The following PRKCA variants were observed in gnomAD, a reference collection of about 807,000 sequenced individuals.
PRKCA encodes the protein protein kinase C alpha, also known as protein kinase C alpha type.
In PRKCA, 27 loss-of-function variants were observed where a neutral mutation model predicts 87.0. The observed-to-expected ratio is 0.31, with a 90% CI of 0.23 to 0.43. The LOEUF (loss-of-function observed/expected upper bound fraction) is 0.43, where lower values mean the gene tolerates loss of function less well. Among genes scored for constraint, PRKCA ranks in the 20% least tolerant of loss-of-function variants. The probability of loss-of-function intolerance (pLI) is 1.00; values close to 1 mark genes in which losing one functional copy is unlikely to be tolerated. For synonymous variants in PRKCA, 329 were observed against 311.1 expected (o/e 1.06, Z -0.61); for missense variants, 518 against 852.3 (o/e 0.61, Z 4.88).
At chr17:66,588,805 T>C (rs2143523347) in intron 3 of PRKCA, among the ~76,000 whole-genome samples, 1 of 152,126 alleles carries the variant, frequency 6.6e-6, no homozygotes, top group Middle Eastern at 3.4e-3. Flanking sequence ...CATGCTCGGC[T>C]GATTTTTTGC....
intron 2 of PRKCA, among the ~76,000 whole-genome samples, chr17:66,396,516 C>T (rs1353300644): frequency 7.9e-5 from 12 of 151,606 alleles, no homozygotes; most frequent in African/African-American, 2.9e-4. Flanking sequence ...TAGTTTTATG[C>T]TGCTTTTTAC....
At chr17:66,441,601 G>A (rs939246125) in intron 2 of PRKCA, among the ~76,000 whole-genome samples, 1 of 152,118 alleles carries the variant, frequency 6.6e-6, no homozygotes, top group Non-Finnish European at 1.5e-5. Flanking sequence ...TGGTTTCTGG[G>A]CACACTGGGG....
chr17:66,698,371 CAA>C (rs1245071510), intron 8 of PRKCA, among the ~76,000 whole-genome samples: 4 of 152,078 alleles, frequency 2.6e-5, no homozygotes, highest in Non-Finnish European at 5.9e-5. Flanking sequence ...ATCAGAAAAA[CAA>C]GAGCTCAATA....
chr17:66,580,502 G>A (rs1428889078), intron 3 of PRKCA, among the ~76,000 whole-genome samples: 1 of 152,198 alleles, frequency 6.6e-6, no homozygotes, highest in Non-Finnish European at 1.5e-5. Flanking sequence ...GAGACACTGA[G>A]CCATGTTTGG....
chr17:66,537,260 T>G (rs1008693192), intron 3 of PRKCA, among the ~76,000 whole-genome samples: 41 of 152,142 alleles, frequency 2.7e-4, no homozygotes, highest in African/African-American at 9.9e-4. Context: ...TTACCATAAT[T>G]TATGGTGAGA....
chr17:66,485,932 G>A (rs1915971076), intron 2 of PRKCA, among the ~76,000 whole-genome samples: 3 of 152,186 alleles, frequency 2.0e-5, no homozygotes, highest in Admixed American at 1.3e-4. Context: ...ATAAACCCTT[G>A]TATAGAACGT....
At chr17:66,650,725 C>T (rs773717471) in intron 5 of PRKCA, among the ~76,000 whole-genome samples, 59 of 152,102 alleles carry the variant, frequency 3.9e-4, no homozygotes, top group Non-Finnish European at 6.0e-4. Flanking sequence ...GTCTGTCACC[C>T]CTGCAGATAT....
At chr17:66,760,089 C>A (rs892118286) in intron 13 of PRKCA, among the ~76,000 whole-genome samples, 5 of 152,210 alleles carry the variant, frequency 3.3e-5, no homozygotes, top group African/African-American at 1.2e-4. Context: ...CTTCATCCAA[C>A]AACAGCAGAA....
chr17:66,324,828 A>C lies in PRKCA; in HGVS notation c.205+18701A>C, dbSNP rs143950408. Among the ~76,000 whole-genome samples, 25 of 152,308 alleles carry C rather than the reference A, an allele frequency of 1.6e-4. No homozygotes were observed. In the South Asian group the frequency reaches 5.0e-3, roughly 30 times the overall value. ...GATACTATGGCAGATAACACTCATT[A>C]GTCACGGTCTTCATTCAGCTTCAGA... On this transcript the variant is annotated intron_variant, in intron 2 of 16. Transcript: ENST00000413366.
chr17:66,587,761 ATATATACGTATATGTGTGTATATG>A (rs1419146598), intron 3 of PRKCA, among the ~76,000 whole-genome samples: 6,527 of 87,936 alleles, frequency 0.074, 737 homozygotes, highest in Non-Finnish European at 0.095. Context: ...ATATGTATAC[ATATATACGTATATGTGTGTATATG>A]TATACATATA....
chr17:66,459,569 C>T (rs1326913566), intron 2 of PRKCA, among the ~76,000 whole-genome samples: 1 of 152,186 alleles, frequency 6.6e-6, no homozygotes, highest in Non-Finnish European at 1.5e-5. Flanking sequence ...ACACCTTGCT[C>T]TCTAAAAGTG....
At chr17:66,704,089 G>A (rs1439751887) in intron 8 of PRKCA, among the ~76,000 whole-genome samples, 3 of 150,946 alleles carry the variant, frequency 2.0e-5, no homozygotes, top group African/African-American at 4.9e-5. Flanking sequence ...GCAGTCCATC[G>A]TTGACCAAAA....
chr17:66,537,296 T>G (rs1355496183), intron 3 of PRKCA, among the ~76,000 whole-genome samples: 1 of 152,152 alleles, frequency 6.6e-6, no homozygotes, highest in South Asian at 2.1e-4. Context: ...AGATGTCAAG[T>G]GGAAGCTTGC....
At chr17:66,479,236 C>T (rs1218989829) in intron 2 of PRKCA, among the ~76,000 whole-genome samples, 3 of 152,132 alleles carry the variant, frequency 2.0e-5, no homozygotes, top group African/African-American at 7.2e-5. Context: ...AGAAGATATA[C>T]ATACAACCAA....
At chr17:66,496,444 T>G (rs1916477400) in intron 3 of PRKCA, among the ~76,000 whole-genome samples, 161 bp downstream of exon 3, 1 of 152,210 alleles carries the variant, frequency 6.6e-6, no homozygotes, top group South Asian at 2.1e-4. Context: ...ATAGCCCATA[T>G]GAGCTCTGGA....
intron 3 of PRKCA, among the ~76,000 whole-genome samples, chr17:66,632,663 A>G (rs975966170): frequency 2.0e-5 from 3 of 152,138 alleles, no homozygotes; most frequent in Non-Finnish European, 4.4e-5. Context: ...AAAAGTCATT[A>G]TATTTTATGT....
intron 3 of PRKCA, among the ~76,000 whole-genome samples, chr17:66,505,986 T>A (rs1318017007): frequency 6.6e-6 from 1 of 152,152 alleles, no homozygotes; most frequent in African/African-American, 2.4e-5. Context: ...TGGGGCATGT[T>A]TGGTTTTTTA....
At chr17:66,774,870 T>G (rs1346497193) in intron 14 of PRKCA, 6 of 985,314 alleles carry the variant, frequency 6.1e-6, no homozygotes. Flanking sequence ...TGAAGTCCAG[T>G]GAGGCTGAAC....
intron 3 of PRKCA, among the ~76,000 whole-genome samples, chr17:66,586,099 C>T (rs948501857): frequency 9.9e-5 from 15 of 152,094 alleles, no homozygotes; most frequent in African/African-American, 3.1e-4. Context: ...CCTGGTGCGG[C>T]AAAGGGACCT....
Sources: allele counts gnomAD v4.1 joint callset (sites outside exome capture counted in the v4.1 genomes callset), GRCh38; gene constraint gnomAD v4.1.1; transcripts MANE v1.5; gene names NCBI Gene and HGNC (gene_info 2026-07-23, HGNC 2026-07-21).